CTCF: variants seen among roughly 807,000 people sequenced by gnomAD.
CTCF encodes the protein CCCTC-binding factor.
In CTCF, 7 loss-of-function variants were observed where a neutral mutation model predicts 72.3. The observed-to-expected ratio is 0.10, with a 90% confidence interval of 0.06 to 0.18. The LOEUF (loss-of-function observed/expected upper bound fraction) is 0.18. Among genes scored for constraint, CTCF ranks in the 10% least tolerant of loss-of-function variants. CTCF has a pLI of 1.00. For synonymous variants in CTCF, 374 were observed against 315.8 expected (o/e 1.18, Z -1.95); for missense variants, 516 against 949.1 (o/e 0.54, Z 6.00).
intron 2 of CTCF, among the ~76,000 whole-genome samples, chr16:67,601,864 AT>A (rs36009199): frequency 0.053 from 7,101 of 134,958 alleles, 169 homozygotes; most frequent in Middle Eastern, 0.15. Context: ...TTTACAAGCA[AT>A]TTTTTTTTTT....
At chr16:67,576,151 A>C (rs558988992) in intron 2 of CTCF, among the ~76,000 whole-genome samples, 36 of 151,106 alleles carry the variant, frequency 2.4e-4, no homozygotes, top group Middle Eastern at 3.5e-3. Flanking sequence ...AAAAAAAAAA[A>C]AAAAAAAAAA....
intron 10 of CTCF, among the ~76,000 whole-genome samples, chr16:67,636,204 C>G (rs2052425509): frequency 6.6e-6 from 1 of 152,030 alleles, no homozygotes; most frequent in Admixed American, 6.5e-5. Flanking sequence ...GGTGAAACCC[C>G]ATCTCTACTA....
At chr16:67,580,151 C>T (rs1459277998) in intron 2 of CTCF, among the ~76,000 whole-genome samples, 1 of 152,062 alleles carries the variant, frequency 6.6e-6, no homozygotes, top group African/African-American at 2.4e-5. Context: ...GTAATGCTGT[C>T]CTGACTTAAG....
At chr16:67,622,588 G>A (rs930161180) in intron 7 of CTCF, among the ~76,000 whole-genome samples, 5 of 151,134 alleles carry the variant, frequency 3.3e-5, no homozygotes, top group African/African-American at 4.9e-5. Context: ...ATGAGTGAGC[G>A]AATTCATTCC....
intron 5 of CTCF, among the ~76,000 whole-genome samples, chr16:67,620,211 C>CTT (rs111872894): frequency 0.033 from 5,011 of 151,436 alleles, 122 homozygotes; most frequent in South Asian, 0.059. Flanking sequence ...AATGCGCAGT[C>CTT]TTTTTTTTTG....
chr16:67,608,794 A>G (rs1158009983), intron 2 of CTCF, among the ~76,000 whole-genome samples: 1 of 151,496 alleles, frequency 6.6e-6, no homozygotes, highest in Non-Finnish European at 1.5e-5. Flanking sequence ...TGCACAGTAC[A>G]ATGGCGCAAT....
chr16:67,595,552 T>C (rs186974926), intron 2 of CTCF, among the ~76,000 whole-genome samples: 197 of 143,138 alleles, frequency 1.4e-3, no homozygotes, highest in Non-Finnish European at 2.4e-3. Flanking sequence ...GTTGAATGTC[T>C]TCTTGGCTGG....
At chr16:67,636,967 C>T (rs766079117) in intron 11 of CTCF, 116 bp downstream of exon 11, 13 of 966,986 alleles carry the variant, frequency 1.3e-5, no homozygotes, top group Non-Finnish European at 1.7e-5. Context: ...AAGTTAAGGG[C>T]ATGTCGAGAA....
At chr16:67,581,222 C>T (rs2051577066) in intron 2 of CTCF, among the ~76,000 whole-genome samples, 1 of 152,116 alleles carries the variant, frequency 6.6e-6, no homozygotes, top group Non-Finnish European at 1.5e-5. Context: ...GCCACTGCAC[C>T]TGGCCCGGCC....
In CTCF at chr16:67,574,466, C is replaced by G. The variant is rs573431274; in HGVS notation, c.-10+3202C>G. Among the ~76,000 whole-genome samples the G allele has an allele frequency of 4.6e-5, 7 of 151,830 alleles. No homozygotes were observed. In the South Asian group the frequency reaches 1.5e-3, roughly 32 times the overall value. On this transcript the variant is annotated intron_variant, in intron 2 of 11. Coordinates refer to ENST00000264010, the MANE Select transcript of CTCF (RefSeq NM_006565.4). ...AAGCAGTTCTCCTGCCTCAGTCTCC[C>G]GAGTAGCTGGGATTACAGGCGTTCA...
At chr16:67,594,899 A>G (rs938150604) in intron 2 of CTCF, among the ~76,000 whole-genome samples, 1 of 152,190 alleles carries the variant, frequency 6.6e-6, no homozygotes, top group East Asian at 1.9e-4. Context: ...GTCAGTTTGT[A>G]CTGGTCAAGG....
At chr16:67,582,832 G>A (rs2051604793) in intron 2 of CTCF, among the ~76,000 whole-genome samples, 3 of 151,756 alleles carry the variant, frequency 2.0e-5, no homozygotes, top group Admixed American at 2.0e-4. Flanking sequence ...GTAGATATTT[G>A]CTGGTTTAAT....
At chr16:67,601,546 G>C (rs532973067) in intron 2 of CTCF, among the ~76,000 whole-genome samples, 3 of 152,000 alleles carry the variant, frequency 2.0e-5, no homozygotes, top group Admixed American at 2.0e-4. Context: ...GTTTCACCAT[G>C]TTAGCCAGGA....
chr16:67,632,038 CACTCCAGCCTGGGTA>C (rs1186940139), intron 10 of CTCF, among the ~76,000 whole-genome samples: 1 of 147,798 alleles, frequency 6.8e-6, no homozygotes, highest in Non-Finnish European at 1.5e-5. Context: ...AGTGTCACTG[CACTCCAGCCTGGGTA>C]ACAGAGCGAG....
intron 2 of CTCF, among the ~76,000 whole-genome samples, chr16:67,603,156 C>CT (rs1313449972): frequency 6.6e-6 from 1 of 151,888 alleles, no homozygotes; most frequent in Non-Finnish European, 1.5e-5. Flanking sequence ...CTTTGGTAGT[C>CT]TAAGATGGGA....
At chr16:67,609,167 G>A (rs1346468435) in intron 2 of CTCF, among the ~76,000 whole-genome samples, 2 of 152,186 alleles carry the variant, frequency 1.3e-5, no homozygotes, top group Admixed American at 6.5e-5. Context: ...AGGAGTTCAA[G>A]GCCAGTCTGG....
intron 2 of CTCF, among the ~76,000 whole-genome samples, chr16:67,604,075 A>C (rs2051935769): frequency 6.7e-6 from 1 of 150,268 alleles, no homozygotes; most frequent in Non-Finnish European, 1.5e-5. Context: ...GGCTGCAATG[A>C]GCCATGACCA....
intron 4 of CTCF, chr16:67,615,523 G>A (rs1266204482): frequency 1.3e-5 from 2 of 152,326 alleles, no homozygotes; most frequent in Non-Finnish European, 2.9e-5. Context: ...GCTGAAGTAG[G>A]AGGATCACTT....
intron 10 of CTCF, among the ~76,000 whole-genome samples, chr16:67,629,772 TTTTTTTTTTTTTTTTTTTTTG>T (rs2052339708): frequency 1.3e-5 from 1 of 79,714 alleles, no homozygotes; most frequent in South Asian, 5.2e-4. Context: ...TTTTTTTTTT[TTTTTTTTTTTTTTTTTTTTTG>T]AGACGGAGTC....
Sources: gnomAD v4.1 joint callset for allele counts (sites outside exome capture counted in the v4.1 genomes callset) on GRCh38, gnomAD v4.1.1 for gene constraint, MANE v1.5 for transcripts, NCBI Gene and HGNC (gene_info 2026-07-23, HGNC 2026-07-21) for gene names.